The following RAD51B variants were observed in gnomAD, a reference collection of about 807,000 sequenced individuals.
RAD51B encodes RAD51 paralog B.
Under a neutral mutation model 42.2 loss-of-function variants are expected in RAD51B, and 38 were observed. The observed-to-expected ratio is 0.90, with a 90% CI of 0.70 to 1.18. RAD51B has a LOEUF of 1.18. Among genes scored for constraint, RAD51B ranks in the 50% most tolerant of loss-of-function variants. The pLI is 0.00. For missense variants in RAD51B, 373 were observed against 400.7 expected (o/e 0.93, Z 0.59); for synonymous variants, 154 against 145.2 (o/e 1.06, Z -0.43).
At chr14:68,679,000 C>A (rs572127725) in intron 11 of RAD51B, among the ~76,000 whole-genome samples, 1 of 152,200 alleles carries the variant, frequency 6.6e-6, no homozygotes, top group South Asian at 2.1e-4. Flanking sequence ...CCTGCCCCTG[C>A]CCCCACCCCC....
At chr14:68,493,183 G>A (rs1439820926) in intron 10 of RAD51B, among the ~76,000 whole-genome samples, 2 of 152,084 alleles carry the variant, frequency 1.3e-5, no homozygotes, top group South Asian at 2.1e-4. Flanking sequence ...CCATCCCCCC[G>A]GCCGAATGAC....
At chr14:67,924,873 C>A (rs1239628637) in intron 7 of RAD51B, among the ~76,000 whole-genome samples, 2 of 152,236 alleles carry the variant, frequency 1.3e-5, no homozygotes. Flanking sequence ...CAAAAGTTCA[C>A]AGTCCAGCGT....
intron 7 of RAD51B, among the ~76,000 whole-genome samples, chr14:67,973,042 T>C (rs568476422): frequency 2.0e-5 from 3 of 152,216 alleles, no homozygotes; most frequent in Admixed American, 1.3e-4. Flanking sequence ...GTTAGACACA[T>C]AGAAATCAAA....
chr14:68,099,945 C>A (rs2077261069), intron 7 of RAD51B, among the ~76,000 whole-genome samples: 1 of 152,178 alleles, frequency 6.6e-6, no homozygotes, highest in African/African-American at 2.4e-5. Flanking sequence ...CTTCTCCAGG[C>A]ACCTTTGAGG....
At chr14:68,199,504 C>T (rs2079440137) in intron 7 of RAD51B, among the ~76,000 whole-genome samples, 1 of 152,212 alleles carries the variant, frequency 6.6e-6, no homozygotes, top group African/African-American at 2.4e-5. Context: ...TCAGACCAAT[C>T]TTCTAGTCAG....
At chr14:68,648,036 T>TATATATATATAC (rs375269798) in intron 10 of RAD51B, among the ~76,000 whole-genome samples, 1,275 of 113,974 alleles carry the variant, frequency 0.011, 67 homozygotes, top group East Asian at 0.072. Flanking sequence ...TATATATATA[T>TATATATATATAC]ACACACGTAT....
intron 7 of RAD51B, among the ~76,000 whole-genome samples, chr14:68,218,176 T>C (rs2079853012): frequency 6.6e-6 from 1 of 152,236 alleles, no homozygotes; most frequent in African/African-American, 2.4e-5. Flanking sequence ...CAGCTTGACT[T>C]CTGTTTCAGC....
chr14:67,863,727 C>G (rs2042234549), intron 4 of RAD51B, among the ~76,000 whole-genome samples: 1 of 152,120 alleles, frequency 6.6e-6, no homozygotes, highest in East Asian at 1.9e-4. Flanking sequence ...GGCGCCACAA[C>G]TAATGTGACA....
At chr14:68,500,465 C>T (rs1309666435) in intron 10 of RAD51B, among the ~76,000 whole-genome samples, 1 of 152,154 alleles carries the variant, frequency 6.6e-6, no homozygotes, top group Admixed American at 6.5e-5. Flanking sequence ...CAGAGATGGT[C>T]GGGCCAGCAG....
chr14:68,530,340 C>T (rs982356304), intron 10 of RAD51B, among the ~76,000 whole-genome samples: 12 of 148,212 alleles, frequency 8.1e-5, no homozygotes, highest in African/African-American at 2.0e-4. Flanking sequence ...CCAGCTTCTT[C>T]GAGGGCTGAT....
chr14:68,190,041 T>A (rs2079231867), intron 7 of RAD51B, among the ~76,000 whole-genome samples: 1 of 152,228 alleles, frequency 6.6e-6, no homozygotes, highest in Non-Finnish European at 1.5e-5. Flanking sequence ...TGGAATGATT[T>A]CAAATTAATT....
chr14:68,354,709 G>T (rs2082861920), intron 8 of RAD51B, among the ~76,000 whole-genome samples: 2 of 151,746 alleles, frequency 1.3e-5, no homozygotes, highest in African/African-American at 2.4e-5. Context: ...CTCTACAAAA[G>T]ATTTATTTTT....
chr14:68,287,599 GT>G (rs2081437359), intron 7 of RAD51B, among the ~76,000 whole-genome samples: 1 of 152,146 alleles, frequency 6.6e-6, no homozygotes, highest in African/African-American at 2.4e-5. Flanking sequence ...TTGGGGGTGT[GT>G]TGCGTGTTTT....
chr14:68,666,819 G>C (rs1269300153), intron 11 of RAD51B, among the ~76,000 whole-genome samples: 1 of 152,118 alleles, frequency 6.6e-6, no homozygotes, highest in African/African-American at 2.4e-5. Flanking sequence ...TTCCCCCAGT[G>C]TATTATAAAG....
intron 7 of RAD51B, among the ~76,000 whole-genome samples, chr14:68,025,295 C>G (rs1566587184): frequency 6.6e-6 from 1 of 151,994 alleles, no homozygotes; most frequent in East Asian, 1.9e-4. Flanking sequence ...GGATATTGGC[C>G]TGAAGTTTGC....
At chr14:68,682,813 G>A (rs1893461346) in intron 11 of RAD51B, 2 of 429,416 alleles carry the variant, frequency 4.7e-6, no homozygotes, top group Non-Finnish European at 6.2e-6. Flanking sequence ...AGAGGGCGGG[G>A]AGTTTGCAGC....
intron 9 of RAD51B, among the ~76,000 whole-genome samples, chr14:68,432,125 A>G (rs966329332): frequency 4.6e-5 from 7 of 152,184 alleles, no homozygotes; most frequent in African/African-American, 1.7e-4. Context: ...ACAGTTTGTT[A>G]TAATTTCTGT....
At chr14:67,990,794 T>A (rs1484109899) in intron 7 of RAD51B, among the ~76,000 whole-genome samples, 2 of 152,194 alleles carry the variant, frequency 1.3e-5, no homozygotes, top group Admixed American at 1.3e-4. Context: ...ATGTATAGTT[T>A]GTGGTAAGTA....
At chr14:68,461,057 T>C (rs1254233644) in intron 9 of RAD51B, among the ~76,000 whole-genome samples, 1 of 151,966 alleles carries the variant, frequency 6.6e-6, no homozygotes, top group Non-Finnish European at 1.5e-5. Context: ...ATGGGTCAAA[T>C]AGATTATGTT....
Sources: gnomAD v4.1 joint callset for allele counts (sites outside exome capture counted in the v4.1 genomes callset) on GRCh38, gnomAD v4.1.1 for gene constraint, MANE v1.5 for transcripts, NCBI Gene and HGNC (gene_info 2026-07-23, HGNC 2026-07-21) for gene names.